The following ARMC2 variants were observed in gnomAD, a reference collection of about 807,000 sequenced individuals.
ARMC2 encodes the protein armadillo repeat containing 2.
A neutral mutation model predicts 90.3 loss-of-function variants in ARMC2; 67 were observed. The observed-to-expected ratio is 0.74, with a 90% CI of 0.61 to 0.91. ARMC2 has a LOEUF of 0.91. ARMC2 is among the 40% of genes least tolerant of loss of function. The pLI, the probability that ARMC2 is intolerant of heterozygous loss-of-function variation, is 0.00. For synonymous variants in ARMC2, 393 were observed against 393.0 expected (o/e 1.00, Z 0.00); for missense variants, 920 against 1,030.9 (o/e 0.89, Z 1.47).
chr6:108,940,876 A>G (rs1002281377), intron 12 of ARMC2, among the ~76,000 whole-genome samples: 2 of 152,218 alleles, frequency 1.3e-5, no homozygotes, highest in African/African-American at 4.8e-5. Flanking sequence ...GCAAGCCTCT[A>G]GTGAAACTAG....
At chr6:108,878,577 A>G (rs1010781619) in intron 5 of ARMC2, among the ~76,000 whole-genome samples, 1 of 152,232 alleles carries the variant, frequency 6.6e-6, no homozygotes, top group Non-Finnish European at 1.5e-5. Context: ...ATATCTGAAT[A>G]TGGATGGAAT....
At chr6:108,992,638 A>C in the ARMC2 span, 9 of 651,306 alleles carry the variant, frequency 1.4e-5, no homozygotes, top group South Asian at 1.6e-4. Flanking sequence ...GATGAATTAG[A>C]AACAGTCTTT....
chr6:108,857,554 G>C (rs1424763550), intron 2 of ARMC2, among the ~76,000 whole-genome samples: 1 of 152,212 alleles, frequency 6.6e-6, no homozygotes, highest in Non-Finnish European at 1.5e-5. Flanking sequence ...CTGAAAAGCA[G>C]TAGTAAGAGG....
intron 4 of ARMC2, among the ~76,000 whole-genome samples, chr6:108,872,308 G>A (rs1776498474): frequency 6.6e-6 from 1 of 152,214 alleles, no homozygotes; most frequent in African/African-American, 2.4e-5. Flanking sequence ...GGCTGGAGGT[G>A]GCACTGCTGT....
At chr6:108,963,406 T>A (rs1210359474) in intron 15 of ARMC2, among the ~76,000 whole-genome samples, 1 of 152,238 alleles carries the variant, frequency 6.6e-6, no homozygotes, top group Non-Finnish European at 1.5e-5. Context: ...CACATTTTGC[T>A]GGGCACTATT....
At chr6:108,954,631 A>T (rs933563082) in intron 13 of ARMC2, among the ~76,000 whole-genome samples, 1 of 152,166 alleles carries the variant, frequency 6.6e-6, no homozygotes, top group African/African-American at 2.4e-5. Context: ...CTCCAGAAAA[A>T]AAATTAGCTA....
At chr6:108,917,349 T>C (rs1010001812) in intron 10 of ARMC2, among the ~76,000 whole-genome samples, 3 of 152,058 alleles carry the variant, frequency 2.0e-5, no homozygotes, top group Admixed American at 6.5e-5. Context: ...ACCACTGTCA[T>C]GTTCTTCCTT....
intron 2 of ARMC2, among the ~76,000 whole-genome samples, chr6:108,855,853 C>T (rs1774535907): frequency 6.6e-6 from 1 of 152,104 alleles, no homozygotes; most frequent in East Asian, 1.9e-4. Context: ...ATATGTATGT[C>T]TTCTTTGGTC....
At chr6:108,880,587 A>G (rs569119010) in intron 5 of ARMC2, among the ~76,000 whole-genome samples, 1 of 152,378 alleles carries the variant, frequency 6.6e-6, no homozygotes, top group African/African-American at 2.4e-5. Flanking sequence ...AAGTTCGAGG[A>G]TGACATATAA....
the ARMC2 span, among the ~76,000 whole-genome samples, chr6:108,980,315 C>A: frequency 2.0e-5 from 3 of 152,168 alleles, no homozygotes; most frequent in Non-Finnish European, 4.4e-5. Flanking sequence ...GTGTCATCAG[C>A]GGAGGCTGCA....
rs79818283 is a variant in ARMC2 at position 108,900,253 on chromosome 6, G to A, written c.847+461G>A. On this transcript the variant is annotated intron_variant, in intron 7 of 17. Coordinates refer to ENST00000392644, the MANE Select transcript of ARMC2 (RefSeq NM_032131.6). ...CTACTCTCTTGAAGGGAGCACATCC[G>A]TCAGGAATGCCACCCACAGCATGGG... is the stretch of plus-strand genomic sequence containing the variant. 4.2e-3 allele frequency among the ~76,000 whole-genome samples: 646 copies of A among 152,312 alleles called. 3 individuals are homozygous for A. Among genetic ancestry groups the A allele is most frequent in the African/African-American group, 0.014 (599 of 41,566 alleles).
intron 7 of ARMC2, among the ~76,000 whole-genome samples, chr6:108,902,588 G>T (rs1402546018): frequency 6.6e-6 from 1 of 152,114 alleles, no homozygotes; most frequent in Non-Finnish European, 1.5e-5. Context: ...ATTCATTTAA[G>T]TGCATAACCA....
chr6:108,901,482 C>A (rs1267884564), intron 7 of ARMC2, among the ~76,000 whole-genome samples: 5 of 151,514 alleles, frequency 3.3e-5, no homozygotes, highest in Non-Finnish European at 7.4e-5. Flanking sequence ...GTGGCACGAT[C>A]TCAGCTCACT....
the ARMC2 span, among the ~76,000 whole-genome samples, chr6:108,986,075 A>AGTT: frequency 1.3e-5 from 2 of 149,856 alleles, no homozygotes; most frequent in South Asian, 4.4e-4. Context: ...TAACTAACAG[A>AGTT]GTTATCATCA....
At chr6:109,026,750 G>A in the ARMC2 span, among the ~76,000 whole-genome samples, 4 of 152,030 alleles carry the variant, frequency 2.6e-5, no homozygotes, top group Admixed American at 6.5e-5. Flanking sequence ...TGATCCGCCC[G>A]CCTCAGCCTC....
the ARMC2 span, among the ~76,000 whole-genome samples, chr6:109,020,182 CTTTTT>C: frequency 6.6e-6 from 1 of 152,088 alleles, no homozygotes; most frequent in African/African-American, 2.4e-5. Flanking sequence ...TAAGCTTCTT[CTTTTT>C]TTCTTTTTTT....
chr6:109,051,544 A>G, the ARMC2 span, among the ~76,000 whole-genome samples: 4 of 152,198 alleles, frequency 2.6e-5, no homozygotes, highest in Admixed American at 2.0e-4. Flanking sequence ...ATGGGGTTCT[A>G]AAGTATGAAA....
chr6:109,041,130 G>C, the ARMC2 span, among the ~76,000 whole-genome samples: 4 of 145,812 alleles, frequency 2.7e-5, no homozygotes, highest in African/African-American at 1.0e-4. Context: ...GTGGGACCCT[G>C]TTTCTATTAA....
chr6:108,980,121 T>G, the ARMC2 span, among the ~76,000 whole-genome samples: 1 of 152,172 alleles, frequency 6.6e-6, no homozygotes, highest in South Asian at 2.1e-4. Flanking sequence ...CTCCCCATCT[T>G]CGTGGATTTA....
Sources: gnomAD v4.1 joint callset for allele counts (sites outside exome capture counted in the v4.1 genomes callset) on GRCh38, gnomAD v4.1.1 for gene constraint, MANE v1.5 for transcripts, NCBI Gene and HGNC (gene_info 2026-07-23, HGNC 2026-07-21) for gene names.